Variants in GABRB1 observed in about 807,000 individuals in gnomAD.
GABRB1 encodes gamma-aminobutyric acid receptor subunit beta-1.
In GABRB1, 17 loss-of-function variants were observed where a neutral mutation model predicts 51.6. The observed-to-expected ratio is 0.33, with a 90% CI of 0.23 to 0.49. The LOEUF is 0.49. GABRB1 is among the 20% of genes least tolerant of loss of function. GABRB1 has a pLI of 0.99. For synonymous variants in GABRB1, 247 were observed against 218.9 expected, an observed-to-expected ratio of 1.13 and a Z score of -1.14; for missense variants, 410 against 600.6, an observed-to-expected ratio of 0.68 and a Z score of 3.32.
intron 1 of GABRB1, among the ~76,000 whole-genome samples, chr4:46,994,987 G>T (rs1406680416): frequency 6.6e-6 from 1 of 152,156 alleles, no homozygotes; most frequent in Non-Finnish European, 1.5e-5. Flanking sequence ...AGTAGCTAGA[G>T]CTCCGTGCTC....
At chr4:47,085,187 C>T (rs996854184) in intron 3 of GABRB1, among the ~76,000 whole-genome samples, 1 of 152,164 alleles carries the variant, frequency 6.6e-6, no homozygotes, top group Non-Finnish European at 1.5e-5. Context: ...TCCTCTAGAA[C>T]TAAACTTTTT....
At chr4:47,349,798 A>G (rs556106389) in intron 5 of GABRB1, among the ~76,000 whole-genome samples, 1 of 152,358 alleles carries the variant, frequency 6.6e-6, no homozygotes, top group Non-Finnish European at 1.5e-5. Context: ...TTCAAAATGG[A>G]ATAGAGGAAA....
At chr4:47,246,938 T>G (rs762944179) in intron 4 of GABRB1, among the ~76,000 whole-genome samples, 5 of 152,064 alleles carry the variant, frequency 3.3e-5, no homozygotes, top group Non-Finnish European at 7.4e-5. Context: ...TTATCAGATG[T>G]ACAGATTGTG....
intron 3 of GABRB1, among the ~76,000 whole-genome samples, chr4:47,051,957 C>T (rs780304909): frequency 4.6e-5 from 7 of 151,862 alleles, no homozygotes; most frequent in East Asian, 1.9e-4. Context: ...GGTGAGAGCC[C>T]GTCTCTACTA....
rs112437238 is a variant in GABRB1, at chr4:47,225,433, G to A, written c.461+63964G>A. On this transcript the variant is annotated intron_variant, in intron 4 of 8. Coordinates refer to ENST00000295454, the MANE Select transcript of GABRB1 (RefSeq NM_000812.4). ...ATGTTTTTCATGTTTTGAGGGTGGGGTGGAATTAATTTTGTGTGATTTATT... is the reference window on the plus strand; with the variant it reads ...ATGTTTTTCATGTTTTGAGGGTGGGATGGAATTAATTTTGTGTGATTTATT... Among the ~76,000 whole-genome samples, 339 of 152,240 alleles carry A rather than the reference G, an allele frequency of 2.2e-3. 1 individual carries two copies. Among genetic ancestry groups the A allele is most frequent in the Non-Finnish European group, 4.0e-3 (275 of 68,018 alleles).
intron 4 of GABRB1, among the ~76,000 whole-genome samples, chr4:47,267,531 A>G (rs1014477543): frequency 5.9e-5 from 9 of 152,292 alleles, no homozygotes; most frequent in Middle Eastern, 6.8e-3. Flanking sequence ...GCGGTGGCTC[A>G]CGCCTGTAAT....
intron 3 of GABRB1, among the ~76,000 whole-genome samples, chr4:47,132,195 T>C (rs1047741277): frequency 6.6e-6 from 1 of 152,218 alleles, no homozygotes; most frequent in East Asian, 1.9e-4. Context: ...TTTTACAGTT[T>C]TGTTTTCATT....
intron 3 of GABRB1, among the ~76,000 whole-genome samples, chr4:47,052,983 G>A (rs1347902580): frequency 6.6e-6 from 1 of 152,170 alleles, no homozygotes; most frequent in African/African-American, 2.4e-5. Flanking sequence ...GTTGCAGGCT[G>A]GGTTCTCCTG....
At chr4:47,315,123 T>A (rs773507413) in intron 4 of GABRB1, among the ~76,000 whole-genome samples, 1 of 151,862 alleles carries the variant, frequency 6.6e-6, no homozygotes, top group East Asian at 1.9e-4. Context: ...GGGAGAAAAA[T>A]TTTGCAAACT....
intron 5 of GABRB1, among the ~76,000 whole-genome samples, chr4:47,355,248 T>C (rs78318306): frequency 0.011 from 1,668 of 152,220 alleles, 9 homozygotes; most frequent in Non-Finnish European, 0.018. Context: ...TCTCAAAGTT[T>C]GGGATTACTG....
intron 4 of GABRB1, among the ~76,000 whole-genome samples, chr4:47,250,152 G>A (rs776774822): frequency 1.3e-5 from 2 of 152,058 alleles, no homozygotes; most frequent in African/African-American, 2.4e-5. Context: ...CTTGTTTGTG[G>A]TGAATTCTCT....
chr4:47,314,083 T>G (rs1724799857), intron 4 of GABRB1, among the ~76,000 whole-genome samples: 1 of 152,056 alleles, frequency 6.6e-6, no homozygotes, highest in Admixed American at 6.6e-5. Context: ...ATTACTCAAT[T>G]CTCTTTAATA....
intron 4 of GABRB1, among the ~76,000 whole-genome samples, chr4:47,168,719 T>C (rs938941708): frequency 6.6e-5 from 10 of 152,154 alleles, no homozygotes; most frequent in African/African-American, 2.2e-4. Context: ...TTAATGTAAT[T>C]GTATTACTTC....
At chr4:47,423,364 C>A (rs1020650155) in intron 8 of GABRB1, among the ~76,000 whole-genome samples, 2 of 152,210 alleles carry the variant, frequency 1.3e-5, no homozygotes, top group African/African-American at 4.8e-5. Context: ...CATCTGCTCT[C>A]TGAGGCCCCA....
intron 4 of GABRB1, among the ~76,000 whole-genome samples, chr4:47,192,927 ACTGACATATAAAG>A (rs1359429693): frequency 1.3e-5 from 2 of 152,158 alleles, no homozygotes; most frequent in Non-Finnish European, 2.9e-5. Flanking sequence ...AGATGAGAAA[ACTGACATATAAAG>A]ACCTGAATAA....
At chr4:47,145,539 G>GGA (rs144525427) in intron 3 of GABRB1, among the ~76,000 whole-genome samples, 56 of 151,550 alleles carry the variant, frequency 3.7e-4, no homozygotes, top group African/African-American at 1.2e-3. Context: ...GAAAGAAAAT[G>GGA]GAGAGAGAGA....
chr4:47,091,545 G>T (rs1728291868), intron 3 of GABRB1, among the ~76,000 whole-genome samples: 1 of 152,092 alleles, frequency 6.6e-6, no homozygotes, highest in African/African-American at 2.4e-5. Context: ...TTGGCTCAGT[G>T]AATGTCACAA....
chr4:47,104,434 CTG>C (rs1330589301), intron 3 of GABRB1, among the ~76,000 whole-genome samples: 1 of 151,756 alleles, frequency 6.6e-6, no homozygotes, highest in African/African-American at 2.4e-5. Flanking sequence ...TGATCTATGA[CTG>C]TAATTAATTT....
intron 8 of GABRB1, among the ~76,000 whole-genome samples, chr4:47,410,529 C>A (rs1299945662): frequency 6.6e-6 from 1 of 152,084 alleles, no homozygotes; most frequent in Non-Finnish European, 1.5e-5. Context: ...GTTGTATTGA[C>A]CTGAAGAGTC....
Sources: gnomAD v4.1 joint callset for allele counts (sites outside exome capture counted in the v4.1 genomes callset) on GRCh38, gnomAD v4.1.1 for gene constraint, MANE v1.5 for transcripts, NCBI Gene and HGNC (gene_info 2026-07-23, HGNC 2026-07-21) for gene names.